EIF4G3: variants seen among roughly 807,000 people sequenced by gnomAD.
The protein encoded by EIF4G3 is eIF-4-gamma 3.
A neutral mutation model predicts 186.4 loss-of-function variants in EIF4G3; 34 were observed. The ratio of observed to expected loss-of-function variants is 0.18; its 90% CI spans 0.14 to 0.24. EIF4G3 has a LOEUF of 0.24. EIF4G3 is among the 10% of genes least tolerant of loss of function. The pLI, the probability that EIF4G3 is intolerant of heterozygous loss-of-function variation, is 1.00. For synonymous variants in EIF4G3, 673 were observed against 679.5 expected (o/e 0.99, Z 0.15); for missense variants, 1,536 against 1,948.5 (o/e 0.79, Z 3.99).
Position 20,941,615 on chromosome 1 carries a change from G to A in EIF4G3, c.1539C>T (p.Ser513=), listed in dbSNP as rs745422714. The A allele has an allele frequency of 3.3e-5, 53 of 1,614,034 alleles. No homozygotes were observed. Among genetic ancestry groups the A allele is most frequent in the Admixed American group, 1.3e-4 (8 of 59,996 alleles). Residue 513 remains serine (S), a synonymous_variant, in exon 14 of 37, where the codon AGC becomes AGT. Transcript: ENST00000602326. ...CATCTTCACTAAGGCAAGTTCTTAT[G>A]CTCTCGTCCTCCTCTAGGACTCTCT... ...TVQRVLEEDE[S]IRTCLSEDAK...
intron 14 of EIF4G3, among the ~76,000 whole-genome samples, chr1:20,938,183 C>T (rs1178565142): frequency 3.3e-5 from 5 of 151,988 alleles, no homozygotes; most frequent in East Asian, 1.9e-4. Flanking sequence ...TTAGTAGATA[C>T]GGGGTTTCAC....
At chr1:20,887,651 TA>T (rs5772922) in intron 18 of EIF4G3, among the ~76,000 whole-genome samples, 80,856 of 144,612 alleles carry the variant, frequency 0.56, 22,632 homozygotes, top group East Asian at 0.83. Flanking sequence ...TGATAAACAT[TA>T]AAAAAAAAAA....
At chr1:20,900,096 TA>T (rs1021283135) in intron 15 of EIF4G3, among the ~76,000 whole-genome samples, 153 bp from the exon 16 acceptor site, 2 of 151,954 alleles carry the variant, frequency 1.3e-5, no homozygotes, top group Non-Finnish European at 2.9e-5. Context: ...ATGCTGAGTT[TA>T]AAAAAAATAC....
At chr1:20,981,392 A>C in intron 8 of EIF4G3, 165 bp from the exon 9 acceptor site, 1 of 587,370 alleles carries the variant, frequency 1.7e-6, no homozygotes, top group South Asian at 2.4e-5. Context: ...CCAAAAATAT[A>C]CCACACTAGG....
At chr1:21,070,595 T>A (rs2095413411) in intron 3 of EIF4G3, among the ~76,000 whole-genome samples, 1 of 152,194 alleles carries the variant, frequency 6.6e-6, no homozygotes, top group South Asian at 2.1e-4. Context: ...ATTAATTTTT[T>A]AAAACTCCTT....
intron 4 of EIF4G3, among the ~76,000 whole-genome samples, chr1:21,048,692 G>A (rs1183696648): frequency 2.0e-5 from 3 of 152,074 alleles, no homozygotes; most frequent in Non-Finnish European, 4.4e-5. Context: ...GCTTTCCCTC[G>A]GCACCCTAGA....
At chr1:20,967,010 G>T (rs1300067007) in intron 12 of EIF4G3, among the ~76,000 whole-genome samples, 1 of 152,170 alleles carries the variant, frequency 6.6e-6, no homozygotes, top group Non-Finnish European at 1.5e-5. Flanking sequence ...ACTATTGACT[G>T]ATGGCCTTCA....
intron 20 of EIF4G3, among the ~76,000 whole-genome samples, chr1:20,877,402 G>A (rs768342488): frequency 6.6e-6 from 1 of 152,146 alleles, no homozygotes; most frequent in Non-Finnish European, 1.5e-5. Context: ...ACATCACCCT[G>A]AGAAGTTATT....
At chr1:20,988,480 AC>A (rs2080119443) in intron 7 of EIF4G3, 1 of 165,588 alleles carries the variant, frequency 6.0e-6, no homozygotes, top group South Asian at 2.1e-4. Flanking sequence ...TGAAGCCAAT[AC>A]TTATTTACTA....
chr1:21,036,458 T>C (rs1356678163), intron 4 of EIF4G3, among the ~76,000 whole-genome samples: 1 of 152,132 alleles, frequency 6.6e-6, no homozygotes, highest in Non-Finnish European at 1.5e-5. Context: ...CCCGTAATGT[T>C]AGTACAAAAA....
At chr1:20,890,174 T>C (rs1383634669) in intron 18 of EIF4G3, among the ~76,000 whole-genome samples, 3 of 151,960 alleles carry the variant, frequency 2.0e-5, no homozygotes, top group South Asian at 2.1e-4. Context: ...GGTTTTGTCA[T>C]GTTGGCCAGG....
At position 20,940,652 on chromosome 1, in the gene EIF4G3, C is replaced by T. The variant is rs545672707; in HGVS notation, c.1663+839G>A. Among the ~76,000 whole-genome samples the T allele has an allele frequency of 2.6e-5, 4 of 152,256 alleles. No homozygotes were observed. In the East Asian group the frequency reaches 7.7e-4, roughly 29 times the overall value. ...CATACGCATTACTTAATCTGACAGG[C>T]ACAGAGAAAGGAAATTATATAGCAT... On this transcript the variant is annotated intron_variant, in intron 14 of 36. Transcript: ENST00000602326.
rs568251109 is a variant in EIF4G3 at position 21,048,649 on chromosome 1, C to T, written c.-67+2217G>A. On this transcript the variant is annotated intron_variant, in intron 4 of 36. Coordinates refer to ENST00000602326, the MANE Select transcript of EIF4G3 (RefSeq NM_001391906.1). Reference sequence around the variant, plus strand: ...TATTCCCTCAGGAAGACACGCAGCACAGTGGCTTTTCTAAGAAACCTCCCT... The same window carrying T: ...TATTCCCTCAGGAAGACACGCAGCATAGTGGCTTTTCTAAGAAACCTCCCT... 1.8e-3 allele frequency among the ~76,000 whole-genome samples: 270 copies of T among 152,304 alleles called. 1 individual carries two copies. Among genetic ancestry groups the T allele is most frequent in the African/African-American group, 6.1e-3 (252 of 41,560 alleles).
Position 20,831,758 on chromosome 1 carries a change from C to A in EIF4G3, c.4062-2486G>T, listed in dbSNP as rs548078879. ...TATCTCCCGATGCTATCCCTCCCCC[C>A]TCCCCCGACCCCACAACAGTCCCCA... On this transcript the variant is annotated intron_variant, in intron 30 of 36. Coordinates refer to ENST00000602326, the MANE Select transcript of EIF4G3 (RefSeq NM_001391906.1). Among the ~76,000 whole-genome samples the A allele has an allele frequency of 6.1e-5, 8 of 130,822 alleles. No homozygotes were observed. The East Asian group carries it at 1.8e-3, about 30-fold the overall frequency. 85.8% of individuals were successfully genotyped at this position (130,822 alleles called of 152,430 possible).
At chr1:20,994,280 A>C (rs1232794840) in intron 7 of EIF4G3, among the ~76,000 whole-genome samples, 1 of 152,152 alleles carries the variant, frequency 6.6e-6, no homozygotes, top group African/African-American at 2.4e-5. Context: ...TCTTTCTAAC[A>C]ATTTATCCTA....
At chr1:20,947,445 T>TAA (rs527905125) in intron 13 of EIF4G3, among the ~76,000 whole-genome samples, 3 of 142,484 alleles carry the variant, frequency 2.1e-5, no homozygotes, top group Non-Finnish European at 4.6e-5. Context: ...TAAATTTGGT[T>TAA]AAAAAAAAAA....
chr1:20,981,547 T>C (rs537477570), intron 8 of EIF4G3, among the ~76,000 whole-genome samples: 2 of 128,564 alleles, frequency 1.6e-5, no homozygotes, highest in African/African-American at 7.1e-5. Context: ...GCACATACTG[T>C]ATGTATACAT....
chr1:21,072,452 G>A (rs560777547), intron 3 of EIF4G3, among the ~76,000 whole-genome samples: 1 of 152,228 alleles, frequency 6.6e-6, no homozygotes, highest in East Asian at 1.9e-4. Context: ...CGCCAAGGCT[G>A]GAGTGCAGTG....
intron 12 of EIF4G3, among the ~76,000 whole-genome samples, chr1:20,954,970 G>A (rs1342997798): frequency 6.6e-6 from 1 of 152,164 alleles, no homozygotes. Context: ...TAGGAGGAAG[G>A]GCAGTTAGAT....
Sources: gnomAD v4.1 joint callset for allele counts (sites outside exome capture counted in the v4.1 genomes callset) on GRCh38, gnomAD v4.1.1 for gene constraint, MANE v1.5 for transcripts, NCBI Gene and HGNC (gene_info 2026-07-23, HGNC 2026-07-21) for gene names.